C4orf50: variants seen among roughly 807,000 people sequenced by gnomAD.
C4orf50 encodes uncharacterized protein C4orf50.
Under a neutral mutation model 77.2 loss-of-function variants are expected in C4orf50, and 80 were observed. That is an observed-to-expected ratio of 1.04 (90% CI 0.87 to 1.25). C4orf50 has a LOEUF of 1.25. Ranked by LOEUF, C4orf50 falls within the 50% of genes most tolerant of loss-of-function variation. The probability of loss-of-function intolerance (pLI) is 0.00; values close to 1 mark genes in which losing one functional copy is unlikely to be tolerated. For missense variants in C4orf50, 1,257 were observed against 1,152.9 expected (o/e 1.09, Z -1.31); for synonymous variants, 532 against 465.3 (o/e 1.14, Z -1.84).
intron 7 of C4orf50, among the ~76,000 whole-genome samples, chr4:5,935,613 C>A (rs1043047799): frequency 2.0e-5 from 3 of 151,744 alleles, no homozygotes; most frequent in Non-Finnish European, 4.4e-5. Flanking sequence ...TAGTGAAACC[C>A]CGTCTGTACT....
downstream of C4orf50, among the ~76,000 whole-genome samples, chr4:5,955,742 G>T (rs1718928364): frequency 6.6e-6 from 1 of 152,134 alleles, no homozygotes; most frequent in Non-Finnish European, 1.5e-5. The surrounding 1 kb of genome is among the most constrained non-coding windows in gnomAD (Gnocchi z 5.1). Context: ...ACCTGCAGAT[G>T]GAAACGCAGC....
rs190498456 is a variant in C4orf50, at chr4:5,988,523, C to T, written c.3523G>A (p.Gly1175Ser). 442 of 1,538,078 alleles carry T rather than the reference C, an allele frequency of 2.9e-4. No homozygotes were observed. In the East Asian group the frequency reaches 6.9e-3, roughly 24 times the overall value. ...AGCGATGGAGGGGGAGAATCAGCAC[C>T]GCGTCTGGAATTCCCGGTGCCTGTG... is the stretch of plus-strand genomic sequence containing the variant. The change falls in exon 28 of 34, where the codon GGT becomes AGT. Residue 1175 changes from glycine to serine, a missense_variant. Transcript: ENST00000531445.
At chr4:5,978,686 G>T (rs1720412103) in intron 29 of C4orf50, among the ~76,000 whole-genome samples, 1 of 152,194 alleles carries the variant, frequency 6.6e-6, no homozygotes, top group Non-Finnish European at 1.5e-5. Context: ...AGCAATTTGT[G>T]ATATATAGCT....
chr4:5,920,724 T>C, intron 7 of C4orf50, among the ~76,000 whole-genome samples: 1 of 152,108 alleles, frequency 6.6e-6, no homozygotes, highest in African/African-American at 2.4e-5. Context: ...GATCCACCCA[T>C]CTTGGCCTCC....
chr4:6,008,946 TC>T lies in C4orf50; in HGVS notation c.427-415del, dbSNP rs1722372368. 6.6e-6 allele frequency among the ~76,000 whole-genome samples: 1 copy of T among 152,050 alleles called. No individual in the cohort carries two copies. Among genetic ancestry groups the T allele is most frequent in the Admixed American group, 6.5e-5 (1 of 15,280 alleles). On this transcript the variant is annotated intron_variant, in intron 24 of 33. Coordinates refer to ENST00000531445, the Ensembl canonical transcript of C4orf50. The surrounding 1 kb of genome is among the most constrained non-coding windows in gnomAD (Gnocchi z 6.0). ...CTTCCACCACAGAACTGCCCAGAGA[TC>T]CCCACTTCCTACCTACAGGGTCAAT...
At chr4:5,959,343 T>C (rs1156288553) in exon 34 of C4orf50, 3 of 1,600,906 alleles carry the variant, frequency 1.9e-6, no homozygotes, top group Non-Finnish European at 2.6e-6. Flanking sequence ...TTATGGAGTC[T>C]ATGAAATGGC....
Position 5,974,702 on chromosome 4 carries a change from T to G in C4orf50, c.3922-861A>C, listed in dbSNP as rs28394247. Among the ~76,000 whole-genome samples, 723 of 152,302 alleles carry G rather than the reference T, an allele frequency of 4.7e-3. 5 individuals are homozygous for G. Among genetic ancestry groups the G allele is most frequent in the African/African-American group, 0.017 (694 of 41,586 alleles). The stretch of plus-strand genomic sequence containing the variant: ...GCTTCTCCTCAGATCCAGGCCCATG[T>G]TCAAGATGAAATGTGTTACCTTGAC... On this transcript the variant is annotated intron_variant, in intron 30 of 33. Transcript: ENST00000531445.
At chr4:5,909,530 A>G (rs1716703621) in intron 7 of C4orf50, among the ~76,000 whole-genome samples, 1 of 152,156 alleles carries the variant, frequency 6.6e-6, no homozygotes, top group Non-Finnish European at 1.5e-5. Context: ...TCACAGTTGC[A>G]TATTTTTGCT....
chr4:5,907,508 A>G (rs1716607824), intron 7 of C4orf50, among the ~76,000 whole-genome samples: 1 of 152,226 alleles, frequency 6.6e-6, no homozygotes, highest in Non-Finnish European at 1.5e-5. Flanking sequence ...CAATATTTGC[A>G]TATATGTTCT....
intron 28 of C4orf50, among the ~76,000 whole-genome samples, chr4:5,985,975 A>C (rs1204693385): frequency 6.6e-6 from 1 of 152,224 alleles, no homozygotes; most frequent in Non-Finnish European, 1.5e-5. Flanking sequence ...TCTCAAAAAT[A>C]AATAAATACA....
At chr4:5,986,461 G>A (rs1720864057) in intron 28 of C4orf50, among the ~76,000 whole-genome samples, 1 of 151,744 alleles carries the variant, frequency 6.6e-6, no homozygotes, top group Admixed American at 6.6e-5. Flanking sequence ...TTTTGTTGTT[G>A]TTGTTGCTTG....
intron 7 of C4orf50, chr4:5,902,381 C>A (rs1716376733): frequency 6.6e-6 from 1 of 152,186 alleles, no homozygotes; most frequent in Non-Finnish European, 1.5e-5. Flanking sequence ...CTGCCCAGTG[C>A]CCTCAGTGGC....
At chr4:5,987,586 A>G (rs1207765991) in intron 28 of C4orf50, among the ~76,000 whole-genome samples, 1 of 151,426 alleles carries the variant, frequency 6.6e-6, no homozygotes, top group East Asian at 1.9e-4. Flanking sequence ...GAGAGAGACA[A>G]AGAGAGAAAG....
intron 28 of C4orf50, among the ~76,000 whole-genome samples, chr4:5,982,546 G>A (rs904255083): frequency 6.6e-6 from 1 of 152,186 alleles, no homozygotes; most frequent in Non-Finnish European, 1.5e-5. Context: ...CCTGAAGGGG[G>A]CACTGAACAG....
At chr4:5,923,328 T>G (rs1350266661) in intron 7 of C4orf50, 1 of 154,196 alleles carries the variant, frequency 6.5e-6, no homozygotes, top group Non-Finnish European at 1.5e-5. Flanking sequence ...ACAGAAACAG[T>G]GATGGCAATG....
chr4:5,904,637 C>T (rs1716471818), intron 7 of C4orf50: 1 of 152,180 alleles, frequency 6.6e-6, no homozygotes, highest in Non-Finnish European at 1.5e-5. Context: ...CGGACAGAGT[C>T]CTTTCTGCCG....
At chr4:6,004,286 T>TGA (rs1722100267) in intron 25 of C4orf50, among the ~76,000 whole-genome samples, 59 of 28,842 alleles carry the variant, frequency 2.0e-3, no homozygotes, top group South Asian at 3.2e-3. Context: ...GATGGTGATG[T>TGA]TGGTGATGAT....
chr4:5,927,513 C>A (rs1717570078), intron 7 of C4orf50, among the ~76,000 whole-genome samples: 1 of 151,862 alleles, frequency 6.6e-6, no homozygotes, highest in Non-Finnish European at 1.5e-5. Context: ...AGGGAGGGAC[C>A]TAGTAGGAGG....
intron 7 of C4orf50, among the ~76,000 whole-genome samples, chr4:5,948,960 C>CAA (rs765201490): frequency 0.028 from 2,416 of 87,064 alleles, 204 homozygotes; most frequent in African/African-American, 0.1. Flanking sequence ...GACTCCATCT[C>CAA]AAAAAAAAAA....
Sources: gnomAD v4.1 joint callset for allele counts (sites outside exome capture counted in the v4.1 genomes callset) on GRCh38, gnomAD v4.1.1 for gene constraint, Gnocchi (gnomAD v3.1) non-coding constraint, MANE v1.5 for transcripts, NCBI Gene and HGNC (gene_info 2026-07-23, HGNC 2026-07-21) for gene names.